PKD1L1: variants seen among roughly 807,000 people sequenced by gnomAD.
PKD1L1 encodes the protein polycystin 1 like 1, transient receptor potential channel interacting.
In PKD1L1, 236 loss-of-function variants were observed where a neutral mutation model predicts 323.4. That is an observed-to-expected ratio of 0.73 (90% CI 0.66 to 0.81). The LOEUF (loss-of-function observed/expected upper bound fraction) is 0.81, where lower values mean the gene tolerates loss of function less well. PKD1L1 is among the 40% of genes least tolerant of loss of function. The pLI is 0.00. For missense variants in PKD1L1, 3,320 were observed against 3,508.0 expected (o/e 0.95, Z 1.35); for synonymous variants, 1,344 against 1,335.0 (o/e 1.01, Z -0.15).
rs957523109 is a variant in PKD1L1 at position 47,825,029 on chromosome 7, G to A, written c.6854+2321C>T. Among the ~76,000 whole-genome samples the A allele has an allele frequency of 3.3e-5, 5 of 152,134 alleles. No homozygotes were observed. In the East Asian group the frequency reaches 9.6e-4, roughly 29 times the overall value. ...GAGACTTCAAATTTCCCCCATAGTGGCTGTACCATTTTGCATTTACACCAG... is the reference window on the plus strand; with the variant it reads ...GAGACTTCAAATTTCCCCCATAGTGACTGTACCATTTTGCATTTACACCAG... On this transcript the variant is annotated intron_variant, in intron 45 of 56. Coordinates refer to ENST00000289672, the MANE Select transcript of PKD1L1 (RefSeq NM_138295.5).
intron 45 of PKD1L1, among the ~76,000 whole-genome samples, chr7:47,825,403 T>G (rs1000363732): frequency 3.3e-5 from 5 of 151,960 alleles, no homozygotes; most frequent in African/African-American, 1.2e-4. Flanking sequence ...TGGTGGCACA[T>G]GCCTGCAATC....
chr7:47,813,196 T>A lies in PKD1L1; in HGVS notation c.7271A>T (p.Asn2424Ile). ...AGGACCATTCAGGGTCACGTTTTGG[T>A]TCTCTGGGTCTATCAGGTAGGGGTT... ...PENPYLIDPE[N>I]QNVTLNGPGG... The change falls in exon 49 of 57, where the codon AAC (asparagine) becomes ATC (isoleucine). Residue 2424 changes from asparagine (N) to isoleucine (I), a missense_variant. Coordinates refer to ENST00000289672, the MANE Select transcript of PKD1L1 (RefSeq NM_138295.5). 6.2e-7 allele frequency: 1 copy of A among 1,614,174 alleles called. No homozygotes were observed. The highest frequency in any genetic ancestry group is 8.5e-7 in the Non-Finnish European group (1 of 1,180,020).
At position 47,902,243 on chromosome 7, in the gene PKD1L1, T is replaced by C. The variant is rs914060284; in HGVS notation, c.2064+136A>G. 2.3e-6 allele frequency: 3 copies of C among 1,285,884 alleles called. No homozygotes were observed. In the African/African-American group the frequency reaches 4.5e-5, roughly 19 times the overall value. The allele number at this position is 1,285,884 out of a possible 1,614,324, so 79.7% of individuals were successfully genotyped here. A position where few individuals can be genotyped will look rare whatever the true frequency, so the allele number is the denominator to read the frequency against. On this transcript the variant is annotated intron_variant, in intron 13 of 56. Transcript: ENST00000289672. ...CTCTGAAGCCCTTATAGGCACTCCT[T>C]TGTGTAAATTGCAGTAGGATAAACT... is the stretch of plus-strand genomic sequence containing the variant.
intron 22 of PKD1L1, among the ~76,000 whole-genome samples, chr7:47,877,249 C>CTTTTTGTGAAAT (rs1786427200): frequency 6.6e-6 from 1 of 152,140 alleles, no homozygotes; most frequent in Non-Finnish European, 1.5e-5. Flanking sequence ...GGTGAGCAGG[C>CTTTTTGTGAAAT]CCTTGTCTCT....
chr7:47,776,797 C>T (rs1295741901), intron 56 of PKD1L1, among the ~76,000 whole-genome samples: 1 of 152,194 alleles, frequency 6.6e-6, no homozygotes, highest in African/African-American at 2.4e-5. Flanking sequence ...GGAGCAAAGA[C>T]ATTGCTCCGC....
rs1207893949 is a variant in PKD1L1 at position 47,811,982 on chromosome 7, C to T, written c.7416G>A (p.Val2472=). 6.3e-7 allele frequency: 1 copy of T among 1,595,870 alleles called. No individual in the cohort carries two copies. Among genetic ancestry groups the T allele is most frequent in the East Asian group, 2.3e-5 (1 of 43,964 alleles). Residue 2472 remains valine (V), a synonymous_variant, in exon 50 of 57, where the codon GTG becomes GTA. Coordinates refer to ENST00000289672, the MANE Select transcript of PKD1L1 (RefSeq NM_138295.5). ...SMWIDRSTRA[V]SVHFTLYNPP... Reference sequence around the variant, plus strand: ...GGTTATAGAGAGTGAAGTGCACAGACACAGCCCTGGTGCTGCGGTCAATCC... The same window carrying T: ...GGTTATAGAGAGTGAAGTGCACAGATACAGCCCTGGTGCTGCGGTCAATCC...
intron 44 of PKD1L1, among the ~76,000 whole-genome samples, chr7:47,827,732 A>C (rs1384136644): frequency 6.6e-6 from 1 of 152,170 alleles, no homozygotes; most frequent in African/African-American, 2.4e-5. Context: ...TATTACAAAG[A>C]GCTGCTGTAC....
intron 19 of PKD1L1, 132 bp downstream of exon 19, chr7:47,884,466 G>T: frequency 1.2e-6 from 1 of 802,050 alleles, no homozygotes. Context: ...CCATGTAAGA[G>T]TTCAACTTTT....
intron 56 of PKD1L1, among the ~76,000 whole-genome samples, chr7:47,779,284 G>T (rs1329867632): frequency 1.6e-4 from 25 of 152,222 alleles, no homozygotes; most frequent in Admixed American, 1.6e-3. Context: ...AAGGTGGTGT[G>T]TGTGGACAGC....
intron 27 of PKD1L1, among the ~76,000 whole-genome samples, chr7:47,858,064 T>G (rs1291158442): frequency 6.6e-6 from 1 of 152,160 alleles, no homozygotes; most frequent in Non-Finnish European, 1.5e-5. Flanking sequence ...GATAGACTAT[T>G]TACTTGCTAA....
intron 41 of PKD1L1, among the ~76,000 whole-genome samples, chr7:47,832,419 C>G (rs1562951208): frequency 6.6e-6 from 1 of 152,194 alleles, no homozygotes; most frequent in Non-Finnish European, 1.5e-5. Context: ...CAGAAAGGAT[C>G]TTTTTTGTGC....
intron 2 of PKD1L1, among the ~76,000 whole-genome samples, chr7:47,943,163 AATATATAT>A (rs60168291): frequency 0.022 from 751 of 33,962 alleles, 20 homozygotes; most frequent in Middle Eastern, 0.032. Context: ...AAAAAAAAAA[AATATATAT>A]ATATATATAT....
At chr7:47,851,946 G>C (rs1283281415) in intron 31 of PKD1L1, among the ~76,000 whole-genome samples, 3 of 152,134 alleles carry the variant, frequency 2.0e-5, no homozygotes, top group Non-Finnish European at 2.9e-5. Context: ...AAAATATAAA[G>C]AGCTATAGAA....
rs537817120 is a variant in PKD1L1 at position 47,919,637 on chromosome 7, C to T, written c.1061-4038G>A. On this transcript the variant is annotated intron_variant, in intron 7 of 56. Coordinates refer to ENST00000289672, the MANE Select transcript of PKD1L1 (RefSeq NM_138295.5). ...TGGAATCCTTAAAACACTAGCTAAC[C>T]GAATCCAACATATCAAAAAGATAAT... 3.9e-5 allele frequency among the ~76,000 whole-genome samples: 6 copies of T among 152,000 alleles called. No homozygotes were observed. The East Asian group carries it at 7.7e-4, about 20-fold the overall frequency.
chr7:47,939,836 C>G (rs1324402038), intron 3 of PKD1L1, among the ~76,000 whole-genome samples: 2 of 151,946 alleles, frequency 1.3e-5, no homozygotes, highest in East Asian at 3.9e-4. Flanking sequence ...TGAGGGGCAG[C>G]CCCCACTCCC....
Position 47,929,276 on chromosome 7 carries a change from A to G in PKD1L1, c.988T>C (p.Ser330Pro). Residue 330 changes from serine (S) to proline (P), a missense_variant, in exon 7 of 57, where the codon TCT (serine) becomes CCT (proline). Physicochemically the swap from Ser to Pro is moderately conservative, Grantham distance 74. Coordinates refer to ENST00000289672, the MANE Select transcript of PKD1L1 (RefSeq NM_138295.5). ...TTGTGTAGCCTCATTTCAACCCCAGAACTGTCCCCGAAATCCATCATCAGA... is the reference window on the plus strand; with the variant it reads ...TTGTGTAGCCTCATTTCAACCCCAGGACTGTCCCCGAAATCCATCATCAGA... ...LCLMMDFGDS[S>P]GVEMRLHNMS... The G allele has an allele frequency of 3.7e-6, 6 of 1,614,112 alleles. No homozygotes were observed. The highest frequency in any genetic ancestry group is 5.1e-6 in the Non-Finnish European group (6 of 1,180,018).
intron 46 of PKD1L1, among the ~76,000 whole-genome samples, chr7:47,820,444 G>A (rs900390198): frequency 1.3e-5 from 2 of 152,162 alleles, no homozygotes; most frequent in Non-Finnish European, 2.9e-5. Context: ...GAAACTGAAG[G>A]CCGGGCGTAG....
At chr7:47,827,316 G>A (rs776936607) in intron 45 of PKD1L1, 34 bp downstream of exon 45, 1 of 1,540,016 alleles carries the variant, frequency 6.5e-7, no homozygotes, top group Non-Finnish European at 8.8e-7. Flanking sequence ...GAGCTGGAGT[G>A]GAGCAAGCCC....
chr7:47,848,057 C>G (rs1267629310), intron 31 of PKD1L1, among the ~76,000 whole-genome samples: 1 of 152,124 alleles, frequency 6.6e-6, no homozygotes, highest in African/African-American at 2.4e-5. Flanking sequence ...GAACATTTCT[C>G]AATTATAAGA....
Sources: gnomAD v4.1 joint callset for allele counts (sites outside exome capture counted in the v4.1 genomes callset) on GRCh38, gnomAD v4.1.1 for gene constraint, MANE v1.5 for transcripts, NCBI Gene and HGNC (gene_info 2026-07-23, HGNC 2026-07-21) for gene names.